CDH13: variants seen among roughly 807,000 people sequenced by gnomAD.
CDH13 encodes cadherin-13.
Under a neutral mutation model 63.8 loss-of-function variants are expected in CDH13, and 24 were observed. The observed-to-expected ratio is 0.38, with a 90% CI of 0.27 to 0.53. The LOEUF (loss-of-function observed/expected upper bound fraction) is 0.53. CDH13 is among the 20% of genes least tolerant of loss of function. The pLI is 0.85. For missense variants in CDH13, 1,049 were observed against 903.1 expected (o/e 1.16, Z -2.07); for synonymous variants, 503 against 355.3 (o/e 1.42, Z -4.67).
intron 6 of CDH13, among the ~76,000 whole-genome samples, chr16:83,446,070 G>A (rs902015): frequency 0.78 from 117,905 of 151,966 alleles, 45,952 homozygotes; most frequent in East Asian, 0.99. Context: ...AGGCTGAGGT[G>A]GGGGGGCAGA....
chr16:83,480,884 C>T (rs1454199955), intron 6 of CDH13, among the ~76,000 whole-genome samples: 1 of 152,198 alleles, frequency 6.6e-6, no homozygotes, highest in Non-Finnish European at 1.5e-5. Flanking sequence ...ATCTGTCTCA[C>T]CTGGCTAAGC....
At chr16:83,196,675 G>C (rs890826159) in intron 4 of CDH13, among the ~76,000 whole-genome samples, 1 of 152,132 alleles carries the variant, frequency 6.6e-6, no homozygotes, top group African/African-American at 2.4e-5. Flanking sequence ...TAGCAAATAA[G>C]CTCATGAACA....
intron 7 of CDH13, among the ~76,000 whole-genome samples, chr16:83,513,995 G>A (rs1317855047): frequency 6.6e-6 from 1 of 152,104 alleles, no homozygotes; most frequent in Non-Finnish European, 1.5e-5. Context: ...TATGTTAAAA[G>A]TTCATCATCA....
At chr16:83,169,490 G>C (rs1012816889) in intron 4 of CDH13, among the ~76,000 whole-genome samples, 3 of 151,850 alleles carry the variant, frequency 2.0e-5, no homozygotes, top group African/African-American at 7.3e-5. Context: ...TCTTAAATGG[G>C]CCACTTTGAT....
Position 83,032,006 on chromosome 16 carries a change from C to G in CDH13, c.158-4C>G. 1 of 1,577,254 alleles carries G rather than the reference C, an allele frequency of 6.3e-7. No homozygotes were observed. Among genetic ancestry groups the G allele is most frequent in the Non-Finnish European group, 8.6e-7 (1 of 1,160,638 alleles). ...CTCCTTCTGTTGTTTCGTTTGTTTCCCAGTGACCTTCAGTGACTGTAAGGG... is the reference window on the plus strand; with the variant it reads ...CTCCTTCTGTTGTTTCGTTTGTTTCGCAGTGACCTTCAGTGACTGTAAGGG... On this transcript the variant is annotated splice_polypyrimidine_tract_variant and splice_region_variant and intron_variant, in intron 2 of 13. Transcript: ENST00000567109.
chr16:83,323,863 G>C (rs1021499381), intron 5 of CDH13, among the ~76,000 whole-genome samples: 18 of 152,056 alleles, frequency 1.2e-4, no homozygotes, highest in African/African-American at 4.3e-4. Flanking sequence ...ATTCAAATCT[G>C]AGATAGTTAT....
At chr16:83,137,863 GT>G (rs2036363503) in intron 4 of CDH13, among the ~76,000 whole-genome samples, 1 of 142,838 alleles carries the variant, frequency 7.0e-6, no homozygotes, top group Non-Finnish European at 1.6e-5. Flanking sequence ...AGTGTTTTTT[GT>G]TTTTTAGGTT....
At chr16:83,188,694 TAA>T (rs2038603160) in intron 4 of CDH13, among the ~76,000 whole-genome samples, 1 of 152,234 alleles carries the variant, frequency 6.6e-6, no homozygotes, top group African/African-American at 2.4e-5. Context: ...TGAATATTAT[TAA>T]GTTTCCTATA....
At chr16:82,767,830 T>A (rs2035115143) in intron 1 of CDH13, among the ~76,000 whole-genome samples, 1 of 152,100 alleles carries the variant, frequency 6.6e-6, no homozygotes, top group South Asian at 2.1e-4. Flanking sequence ...TAAGGAAGAG[T>A]TAGGTGGGAG....
At chr16:83,779,232 C>T (rs1432077204) in intron 11 of CDH13, among the ~76,000 whole-genome samples, 3 of 151,514 alleles carry the variant, frequency 2.0e-5, no homozygotes, top group African/African-American at 4.8e-5. Flanking sequence ...TAGCGAAACC[C>T]CATCTGTACT....
At chr16:83,274,320 C>T (rs2088916573) in intron 5 of CDH13, among the ~76,000 whole-genome samples, 1 of 152,176 alleles carries the variant, frequency 6.6e-6, no homozygotes, top group African/African-American at 2.4e-5. Flanking sequence ...GGATCAGAGA[C>T]CTCTCAGTTA....
intron 1 of CDH13, among the ~76,000 whole-genome samples, chr16:82,852,686 G>A (rs958947394): frequency 1.3e-5 from 2 of 152,170 alleles, no homozygotes; most frequent in Non-Finnish European, 2.9e-5. Context: ...TTGCCAACTC[G>A]AATGCCTAGA....
At chr16:83,389,771 T>C (rs572693832) in intron 6 of CDH13, among the ~76,000 whole-genome samples, 2 of 152,294 alleles carry the variant, frequency 1.3e-5, no homozygotes, top group East Asian at 3.9e-4. Flanking sequence ...GAATCTGAAG[T>C]GGTTCCACTT....
chr16:83,751,739 A>G lies in CDH13; in HGVS notation c.1681+3489A>G, dbSNP rs148504556. ...GATAACATCTGAAAGGAAGAAACAAATCTTTGTCAAGAGCTTATACTGAAC... is the reference window on the plus strand; with the variant it reads ...GATAACATCTGAAAGGAAGAAACAAGTCTTTGTCAAGAGCTTATACTGAAC... On this transcript the variant is annotated intron_variant, in intron 11 of 13. Coordinates refer to ENST00000567109, the MANE Select transcript of CDH13 (RefSeq NM_001257.5). Among the ~76,000 whole-genome samples, 3 of 152,348 alleles carry G rather than the reference A, an allele frequency of 2.0e-5. No homozygotes were observed. In the East Asian group the frequency reaches 5.8e-4, roughly 29 times the overall value.
At chr16:83,479,328 CA>C (rs2151551730) in intron 6 of CDH13, among the ~76,000 whole-genome samples, 1 of 152,260 alleles carries the variant, frequency 6.6e-6, no homozygotes, top group South Asian at 2.1e-4. Context: ...AGTGGGTCCT[CA>C]CAGAACTGAG....
chr16:83,325,336 C>T (rs373470942), intron 5 of CDH13, among the ~76,000 whole-genome samples: 49 of 152,202 alleles, frequency 3.2e-4, no homozygotes, highest in African/African-American at 1.1e-3. Flanking sequence ...TTTAAGAGGC[C>T]TCAGGTTGCC....
intron 11 of CDH13, among the ~76,000 whole-genome samples, chr16:83,759,559 G>A (rs1359293202): frequency 6.6e-6 from 1 of 151,980 alleles, no homozygotes; most frequent in African/African-American, 2.4e-5. Context: ...GAAATTAAGA[G>A]CTTTGATTCT....
At chr16:83,152,625 TAA>T (rs2037033213) in intron 4 of CDH13, among the ~76,000 whole-genome samples, 4 of 152,068 alleles carry the variant, frequency 2.6e-5, no homozygotes, top group Admixed American at 2.6e-4. Context: ...GGTTTCAGAG[TAA>T]AAGAGGAAAC....
At chr16:82,676,672 G>A in intron 1 of CDH13, among the ~76,000 whole-genome samples, 1 of 151,290 alleles carries the variant, frequency 6.6e-6, no homozygotes, top group Non-Finnish European at 1.5e-5. Flanking sequence ...CCTGCCGTTG[G>A]TTTTTTTTAT....
Sources: allele counts gnomAD v4.1 joint callset (sites outside exome capture counted in the v4.1 genomes callset), GRCh38; gene constraint gnomAD v4.1.1; transcripts MANE v1.5; gene names NCBI Gene and HGNC (gene_info 2026-07-23, HGNC 2026-07-21).